LRRC28: variants seen among roughly 807,000 people sequenced by gnomAD.
The protein encoded by LRRC28 is leucine rich repeat containing 28, also known as leucine-rich repeat-containing protein 28.
LRRC28 carries 39 observed loss-of-function variants against 45.7 expected under a neutral mutation model. That is an observed-to-expected ratio of 0.85 (90% CI 0.66 to 1.12). The LOEUF is 1.12. Ranked by LOEUF, LRRC28 falls within the 50% of genes most tolerant of loss-of-function variation. LRRC28 has a pLI of 0.00. For missense variants in LRRC28, 435 were observed against 438.5 expected (o/e 0.99, Z 0.07); for synonymous variants, 206 against 178.8 (o/e 1.15, Z -1.22).
chr15:99,301,112 A>T (rs2152243386), intron 5 of LRRC28, among the ~76,000 whole-genome samples: 1 of 152,314 alleles, frequency 6.6e-6, no homozygotes, highest in East Asian at 1.9e-4. Context: ...TCTGTAACTC[A>T]TTCTCTTTAA....
In LRRC28 at chr15:99,287,862, C is replaced by A. The variant is rs746171443; in HGVS notation, c.296C>A (p.Ala99Asp). 1 of 1,613,476 alleles carries A rather than the reference C, an allele frequency of 6.2e-7. No individual in the cohort carries two copies. Among genetic ancestry groups the A allele is most frequent in the Non-Finnish European group, 8.5e-7 (1 of 1,179,746 alleles). ...CAATGTCTGGATCTTAGTGACAATG[C>A]CTTAGAAATTGTTTGCCCAGAAATT... The part of the protein sequence containing the change: ...KLQCLDLSDN[A>D]LEIVCPEIGR... Residue 99 changes from alanine to aspartate, a missense_variant, in exon 5 of 10, where the codon GCC becomes GAC. Physicochemically the swap from Ala to Asp is moderately radical, Grantham distance 126. Coordinates refer to ENST00000301981, the MANE Select transcript of LRRC28 (RefSeq NM_144598.5).
At chr15:99,306,200 A>G (rs531333726) in intron 5 of LRRC28, among the ~76,000 whole-genome samples, 1 of 152,334 alleles carries the variant, frequency 6.6e-6, no homozygotes, top group South Asian at 2.1e-4. Flanking sequence ...TGTCCCAGAC[A>G]TTGCCCACTC....
rs1311274834 is a variant in LRRC28, at chr15:99,259,653, G to T, written c.168+3528G>T. 1.2e-5 allele frequency: 17 copies of T among 1,419,372 alleles called. No homozygotes were observed. In the Admixed American group the frequency reaches 2.8e-4, roughly 24 times the overall value. The allele number at this position is 1,419,372 out of a possible 1,614,324, so 87.9% of individuals were successfully genotyped here. A position where few individuals can be genotyped will look rare whatever the true frequency, so the allele number is the denominator to read the frequency against. The stretch of plus-strand genomic sequence containing the variant: ...GGCATCTCTACAAATTACCATGCGA[G>T]TCGGAAGAAAACATTTGAAATTAAT... On this transcript the variant is annotated intron_variant, in intron 2 of 9. Coordinates refer to ENST00000301981, the MANE Select transcript of LRRC28 (RefSeq NM_144598.5).
At chr15:99,264,106 A>G (rs1489888820) in intron 2 of LRRC28, among the ~76,000 whole-genome samples, 1 of 152,248 alleles carries the variant, frequency 6.6e-6, no homozygotes, top group African/African-American at 2.4e-5. Flanking sequence ...CCTAGCCACC[A>G]TGAGAACACA....
chr15:99,287,787 T>A, intron 4 of LRRC28, 27 bp from the exon 5 acceptor site: 1 of 1,574,280 alleles, frequency 6.4e-7, no homozygotes, highest in Non-Finnish European at 8.6e-7. Context: ...GTCAAATTCA[T>A]TTTGCCTTCT....
At chr15:99,355,398 T>C (rs1190474413) in intron 7 of LRRC28, 1 of 152,186 alleles carries the variant, frequency 6.6e-6, no homozygotes, top group African/African-American at 2.4e-5. Context: ...ATCCTGTTGA[T>C]TACACAGGTC....
At position 99,361,518 on chromosome 15, in the gene LRRC28, G is replaced by A. The variant is rs1406418316; in HGVS notation, c.871+7G>A. ...TACCACAGCTTGCTGAAAGGTACGTGGGACTTCTGGTTTTCTTATTTTTCT... is the reference window on the plus strand; with the variant it reads ...TACCACAGCTTGCTGAAAGGTACGTAGGACTTCTGGTTTTCTTATTTTTCT... On this transcript the variant is annotated splice_region_variant and intron_variant, in intron 8 of 9. Transcript: ENST00000301981. 6 of 1,569,732 alleles carry A rather than the reference G, an allele frequency of 3.8e-6. No homozygotes were observed. The highest frequency in any genetic ancestry group is 5.2e-6 in the Non-Finnish European group (6 of 1,160,030).
intron 5 of LRRC28, among the ~76,000 whole-genome samples, chr15:99,295,729 G>T (rs553574236): frequency 6.6e-6 from 1 of 152,186 alleles, no homozygotes; most frequent in Admixed American, 6.5e-5. Flanking sequence ...TACCAAAAAA[G>T]GAAGGATTTT....
At chr15:99,312,556 A>G (rs1955452344) in intron 5 of LRRC28, among the ~76,000 whole-genome samples, 1 of 152,174 alleles carries the variant, frequency 6.6e-6, no homozygotes, top group Admixed American at 6.5e-5. Context: ...TACACTCTAA[A>G]ATAAAAAGTA....
intron 9 of LRRC28, among the ~76,000 whole-genome samples, chr15:99,376,018 T>G (rs941077892): frequency 2.0e-5 from 3 of 152,094 alleles, no homozygotes; most frequent in African/African-American, 7.2e-5. Context: ...TTTATAGCAC[T>G]AAGTACTTAC....
At chr15:99,343,615 C>A (rs568647773) in intron 6 of LRRC28, among the ~76,000 whole-genome samples, 11 of 152,182 alleles carry the variant, frequency 7.2e-5, no homozygotes, top group Non-Finnish European at 1.2e-4. Context: ...ATCTGTACGA[C>A]GGACAGCTTC....
At chr15:99,296,736 G>A (rs1246124256) in intron 5 of LRRC28, among the ~76,000 whole-genome samples, 1 of 152,134 alleles carries the variant, frequency 6.6e-6, no homozygotes, top group African/African-American at 2.4e-5. Flanking sequence ...CATGCTATGT[G>A]CTAGAGAAAG....
rs1957558535 is a variant in LRRC28 at position 99,374,131 on chromosome 15, A to G, written c.1031+10866A>G. ...TAGAATAAATTTATCTTTGTCTCCA[A>G]AAAGCCTTGTTGAGATTTTCATAAG... On this transcript the variant is annotated intron_variant, in intron 9 of 9. Transcript: ENST00000301981. Among the ~76,000 whole-genome samples the G allele has an allele frequency of 1.3e-5, 2 of 152,274 alleles. 1 individual carries two copies. Among genetic ancestry groups the G allele is most frequent in the African/African-American group, 4.8e-5 (2 of 41,552 alleles).
At chr15:99,307,398 C>G (rs768990955) in intron 5 of LRRC28, among the ~76,000 whole-genome samples, 4 of 152,162 alleles carry the variant, frequency 2.6e-5, no homozygotes, top group Non-Finnish European at 4.4e-5. Flanking sequence ...TACTAAACAT[C>G]AAAAATTCTT....
chr15:99,323,054 A>G (rs1318774216), intron 5 of LRRC28, among the ~76,000 whole-genome samples: 1 of 152,176 alleles, frequency 6.6e-6, no homozygotes, highest in East Asian at 1.9e-4. Context: ...GCCTGCCAGT[A>G]TCTTTTTTTA....
intron 5 of LRRC28, among the ~76,000 whole-genome samples, chr15:99,321,208 C>A (rs1280137551): frequency 2.0e-5 from 3 of 152,056 alleles, no homozygotes; most frequent in Non-Finnish European, 2.9e-5. Flanking sequence ...AAACAAATTT[C>A]AAAAATATGA....
At chr15:99,345,378 A>G (rs1956646651) in intron 6 of LRRC28, among the ~76,000 whole-genome samples, 1 of 152,196 alleles carries the variant, frequency 6.6e-6, no homozygotes, top group South Asian at 2.1e-4. Flanking sequence ...AAAATATTCC[A>G]AAGTGTTCTA....
intron 6 of LRRC28, among the ~76,000 whole-genome samples, chr15:99,334,400 AGAGT>A (rs1440840665): frequency 8.0e-6 from 1 of 124,662 alleles, no homozygotes; most frequent in Non-Finnish European, 1.6e-5. Flanking sequence ...AAGGAATTAA[AGAGT>A]GTGTGTGTGT....
chr15:99,378,878 C>T (rs1296586844), intron 9 of LRRC28, among the ~76,000 whole-genome samples: 1 of 152,158 alleles, frequency 6.6e-6, no homozygotes, highest in African/African-American at 2.4e-5. Flanking sequence ...CCTTGCATCC[C>T]AGGGATGAAG....
Sources: gnomAD v4.1 joint callset for allele counts (sites outside exome capture counted in the v4.1 genomes callset) on GRCh38, gnomAD v4.1.1 for gene constraint, MANE v1.5 for transcripts, NCBI Gene and HGNC (gene_info 2026-07-23, HGNC 2026-07-21) for gene names.